TAF1: variants seen among roughly 807,000 people sequenced by gnomAD.
TAF1 encodes transcription initiation factor TFIID subunit 1.
A neutral mutation model predicts 138.5 loss-of-function variants in TAF1; 2 were observed. The ratio of observed to expected loss-of-function variants is 0.01; its 90% CI spans 0.01 to 0.05. TAF1 has a LOEUF of 0.05. TAF1 is among the 10% of genes least tolerant of loss of function. TAF1 has a pLI of 1.00. For synonymous variants in TAF1, 437 were observed against 503.2 expected (o/e 0.87, Z 1.76); for missense variants, 709 against 1,478.0 (o/e 0.48, Z 8.53).
intron 4 of TAF1, among the ~76,000 whole-genome samples, 155 bp from the exon 5 acceptor site, chrX:71,376,795 A>C (rs28382156): frequency 0.019 from 2,154 of 111,486 alleles, 51 homozygotes; most frequent in African/African-American, 0.067. Flanking sequence ...AGTTAGAATG[A>C]GTTTTCTGGG....
rs558759850 is a variant in TAF1, at chrX:71,373,882, T to G, written c.353-1285T>G. Among the ~76,000 whole-genome samples the G allele has an allele frequency of 4.0e-4, 44 of 110,008 alleles. No homozygotes were observed. The South Asian group carries it at 0.017, about 41-fold the overall frequency. On this transcript the variant is annotated intron_variant, in intron 3 of 37. Coordinates refer to ENST00000423759, the MANE Select transcript of TAF1 (RefSeq NM_004606.5). ...GCAGATGACAGATAGAAAAAGTGTG[T>G]CATCTCTCATTTGAGAGATGAAAGA... is the stretch of plus-strand genomic sequence containing the variant.
chrX:71,366,881 G>A (rs2032556585), intron 1 of TAF1, among the ~76,000 whole-genome samples: 1 of 111,590 alleles, frequency 9.0e-6, no homozygotes, highest in Non-Finnish European at 1.9e-5. Context: ...TAGAGCCAGA[G>A]GACTGGACAG....
chrX:71,410,765 G>A lies in TAF1; in HGVS notation c.4384+2614G>A, dbSNP rs559212863. Among the ~76,000 whole-genome samples the A allele has an allele frequency of 3.1e-4, 33 of 107,375 alleles. No individual in the cohort carries two copies. In the East Asian group the frequency reaches 8.9e-3, roughly 29 times the overall value. The allele number at this position is 107,375 out of a possible 115,157, so 93.2% of individuals were successfully genotyped here. Reference sequence around the variant, plus strand: ...AGACACTGCACCCGGCCTTTTAGGGGCATTTCTAATCTACATTTGTGATTT... The same window carrying A: ...AGACACTGCACCCGGCCTTTTAGGGACATTTCTAATCTACATTTGTGATTT... On this transcript the variant is annotated intron_variant, in intron 28 of 37. Coordinates refer to ENST00000423759, the MANE Select transcript of TAF1 (RefSeq NM_004606.5).
At chrX:71,371,632 A>G in intron 3 of TAF1, among the ~76,000 whole-genome samples, 1 of 111,713 alleles carries the variant, frequency 9.0e-6, no homozygotes, top group South Asian at 3.7e-4. Context: ...TTGATGACAT[A>G]AGGAATTGCA....
chrX:71,501,062 CAAAA>C (rs35676863), intron 13 of TAF1, among the ~76,000 whole-genome samples: 3 of 74,310 alleles, frequency 4.0e-5, no homozygotes, highest in Admixed American at 3.1e-4. Flanking sequence ...AGACTTCTCT[CAAAA>C]AAAAAAAAAA....
At chrX:71,395,613 G>A (rs1037669929) in intron 22 of TAF1, among the ~76,000 whole-genome samples, 4 of 111,865 alleles carry the variant, frequency 3.6e-5, no homozygotes, top group East Asian at 5.6e-4. Context: ...TTGATACTGC[G>A]AGAGAGGATA....
At chrX:71,447,357 C>T (rs949617603) in intron 32 of TAF1, among the ~76,000 whole-genome samples, 4 of 110,674 alleles carry the variant, frequency 3.6e-5, no homozygotes, top group South Asian at 7.6e-4. Context: ...CCTTGGTGCC[C>T]AGGGGTGCTT....
intron 13 of TAF1, among the ~76,000 whole-genome samples, chrX:71,517,506 A>G (rs1453830479): frequency 8.9e-6 from 1 of 111,849 alleles, no homozygotes; most frequent in Non-Finnish European, 1.9e-5. Flanking sequence ...TTAAAAAACA[A>G]AACAAGACAA....
chrX:71,470,331 A>G (rs1394736975), downstream of TAF1, among the ~76,000 whole-genome samples: 1 of 111,465 alleles, frequency 9.0e-6, no homozygotes, highest in Non-Finnish European at 1.9e-5. Flanking sequence ...ATATTCAAAA[A>G]TGAAAATTGT....
intron 14 of TAF1, among the ~76,000 whole-genome samples, chrX:71,529,094 C>T (rs2040055230): frequency 9.8e-6 from 1 of 102,252 alleles, no homozygotes; most frequent in Admixed American, 1.1e-4. Context: ...TTTTTTGAGA[C>T]AGAGTCTCGC....
chrX:71,383,440 C>T (rs1569283985), intron 12 of TAF1, among the ~76,000 whole-genome samples: 1 of 112,083 alleles, frequency 8.9e-6, no homozygotes, highest in African/African-American at 3.2e-5. Context: ...TAAACAGCGA[C>T]GTGGGATAAT....
At chrX:71,453,083 G>A (rs934519344) in intron 32 of TAF1, among the ~76,000 whole-genome samples, 2 of 110,531 alleles carry the variant, frequency 1.8e-5, no homozygotes, top group Admixed American at 9.6e-5. Context: ...GTGGGGAGAC[G>A]GGAGAGAGAG....
intron 34 of TAF1, chrX:71,455,105 T>C (rs1602736653): frequency 9.2e-7 from 1 of 1,081,763 alleles, no homozygotes; most frequent in Non-Finnish European, 1.2e-6. Context: ...GTTTAGGCAG[T>C]GTTTGGGAAT....
rs2034639885 is a variant in TAF1 at position 71,392,854 on chromosome X, AC to A, written c.2932-20del. The A allele has an allele frequency of 2.5e-6, 3 of 1,208,382 alleles. No homozygotes were observed. The highest frequency in any genetic ancestry group is 2.2e-6 in the Non-Finnish European group (2 of 893,940). ...AGGAATTCAGGTTTTTAGGAGTCTC[AC>A]TTTTTTTTGTTTGAGGTAGGATGAT... On this transcript the variant is annotated intron_variant, in intron 19 of 37. Transcript: ENST00000423759.
chrX:71,407,517 C>A, intron 26 of TAF1, 57 bp from the exon 27 acceptor site: 1 of 1,092,686 alleles, frequency 9.2e-7, no homozygotes, highest in Non-Finnish European at 1.3e-6. Flanking sequence ...TGTGCCTGGA[C>A]AGAATGTGGA....
At position 71,465,674 on chromosome X, in the gene TAF1, T is replaced by G. The variant is rs1159684337; in HGVS notation, c.*1628T>G. The G allele has an allele frequency of 1.8e-5, 2 of 111,888 alleles. No homozygotes were observed. The highest frequency in any genetic ancestry group is 1.9e-5 in the Non-Finnish European group (1 of 53,212). 9.2% of individuals were successfully genotyped at this position (111,888 alleles called of 1,213,427 possible). On this transcript the variant is annotated 3_prime_UTR_variant, in exon 38 of 38. Coordinates refer to ENST00000423759, the MANE Select transcript of TAF1 (RefSeq NM_004606.5). ...TATGGGAAATAAGCTCTTAGAGGAG[T>G]GATATAATCAGGTTTGTGTTTTAGA...
At chrX:71,503,298 G>GTATATATATATA (rs1161129315) in intron 13 of TAF1, among the ~76,000 whole-genome samples, 4 of 80,289 alleles carry the variant, frequency 5.0e-5, no homozygotes, top group African/African-American at 2.0e-4. Flanking sequence ...ATATATATGT[G>GTATATATATATA]TATATATATA....
At chrX:71,397,785 A>AT (rs776653396) in intron 23 of TAF1, among the ~76,000 whole-genome samples, 52 of 111,078 alleles carry the variant, frequency 4.7e-4, no homozygotes, top group African/African-American at 1.7e-3. Flanking sequence ...ACCTGGCCTG[A>AT]TTCACCACTT....
intron 13 of TAF1, among the ~76,000 whole-genome samples, chrX:71,489,246 A>C (rs1437838872): frequency 9.0e-6 from 1 of 111,170 alleles, no homozygotes; most frequent in East Asian, 2.8e-4. Context: ...CAAATGTAGA[A>C]GTCCCTCTGC....
Sources: allele counts gnomAD v4.1 joint callset (sites outside exome capture counted in the v4.1 genomes callset), GRCh38; gene constraint gnomAD v4.1.1; transcripts MANE v1.5; gene names NCBI Gene and HGNC (gene_info 2026-07-23, HGNC 2026-07-21).